FGF1: variants seen among roughly 807,000 people sequenced by gnomAD.
The protein encoded by FGF1 is fibroblast growth factor 1.
FGF1 carries 9 observed loss-of-function variants against 13.4 expected under a neutral mutation model. That is an observed-to-expected ratio of 0.67 (90% CI 0.40 to 1.17). FGF1 has a LOEUF of 1.17. FGF1 is among the 50% of genes most tolerant of loss of function. FGF1 has a pLI of 0.01. For synonymous variants in FGF1, 93 were observed against 79.0 expected, an observed-to-expected ratio of 1.18 and a Z score of -0.94; for missense variants, 156 against 192.7, an observed-to-expected ratio of 0.81 and a Z score of 1.13.
intron 1 of FGF1, among the ~76,000 whole-genome samples, chr5:142,647,524 GTC>G (rs935547758): frequency 6.6e-6 from 1 of 152,158 alleles, no homozygotes; most frequent in Admixed American, 6.5e-5. Context: ...TCTTTTGTCA[GTC>G]TAATTTAAAG....
chr5:142,654,424 A>G (rs554563965), intron 1 of FGF1, among the ~76,000 whole-genome samples: 169 of 152,366 alleles, frequency 1.1e-3, no homozygotes, highest in African/African-American at 3.5e-3. Context: ...CTTATAATGA[A>G]CTGCTCGATA....
intron 2 of FGF1, 110 bp downstream of exon 2, chr5:142,613,849 G>T: frequency 2.5e-6 from 3 of 1,176,804 alleles, no homozygotes; most frequent in Non-Finnish European, 3.6e-6. Flanking sequence ...TGTCATGCCT[G>T]AATAGAACCT....
intron 2 of FGF1, chr5:142,601,078 C>A: frequency 1.7e-6 from 1 of 587,146 alleles, no homozygotes; most frequent in East Asian, 4.0e-5. Context: ...CAAAATGACC[C>A]TGAGTGCACC....
chr5:142,615,386 G>C (rs940763943), intron 1 of FGF1, among the ~76,000 whole-genome samples: 16 of 152,216 alleles, frequency 1.1e-4, no homozygotes, highest in African/African-American at 3.6e-4. Context: ...ACCACACCAG[G>C]CTAATTTTTA....
At position 142,669,683 on chromosome 5, in the gene FGF1, C is replaced by T. The variant is rs139533256; in HGVS notation, c.-35+16274G>A. 1.2e-3 allele frequency among the ~76,000 whole-genome samples: 183 copies of T among 152,320 alleles called. 1 individual carries two copies. The highest frequency in any genetic ancestry group is 6.2e-3 in the East Asian group (32 of 5,172). Reference sequence around the variant, plus strand: ...TGGGGCGTGTCGCGGCTGAGGTGAACAGAGTCATCCATCTGCTGACTGGCA... The same window carrying T: ...TGGGGCGTGTCGCGGCTGAGGTGAATAGAGTCATCCATCTGCTGACTGGCA... On this transcript the variant is annotated intron_variant, in intron 1 of 3. Coordinates refer to ENST00000337706, the MANE Select transcript of FGF1 (RefSeq NM_000800.5).
chr5:142,665,228 C>A (rs1399518525), intron 1 of FGF1, among the ~76,000 whole-genome samples: 1 of 151,976 alleles, frequency 6.6e-6, no homozygotes, highest in East Asian at 1.9e-4. Context: ...TCCTGAGATA[C>A]CTTGGGAACC....
At chr5:142,654,807 A>G (rs1767865485) in intron 1 of FGF1, among the ~76,000 whole-genome samples, 1 of 152,212 alleles carries the variant, frequency 6.6e-6, no homozygotes. Context: ...AGTGGGCCCC[A>G]GGCATTCACA....
intron 1 of FGF1, among the ~76,000 whole-genome samples, chr5:142,657,724 G>A (rs1768430254): frequency 6.6e-6 from 1 of 152,202 alleles, no homozygotes; most frequent in South Asian, 2.1e-4. Flanking sequence ...ATTCTCTGCT[G>A]GACTCTCAGC....
At chr5:142,684,766 G>A (rs1310014997) in intron 1 of FGF1, among the ~76,000 whole-genome samples, 1 of 152,220 alleles carries the variant, frequency 6.6e-6, no homozygotes, top group Non-Finnish European at 1.5e-5. Flanking sequence ...CAGCCCTGAT[G>A]CCACTGCTGC....
chr5:142,619,589 G>A (rs549748923), intron 1 of FGF1, among the ~76,000 whole-genome samples: 6 of 152,204 alleles, frequency 3.9e-5, no homozygotes, highest in East Asian at 3.8e-4. Flanking sequence ...ACTGGTAGGC[G>A]TAAGGGGGAT....
intron 2 of FGF1, among the ~76,000 whole-genome samples, chr5:142,691,094 C>T (rs959187867): frequency 6.6e-6 from 1 of 152,146 alleles, no homozygotes; most frequent in Non-Finnish European, 1.5e-5. Flanking sequence ...CCTCATACTA[C>T]TTACTACTTT....
intron 2 of FGF1, among the ~76,000 whole-genome samples, chr5:142,692,101 C>T (rs1752318225): frequency 6.6e-6 from 1 of 152,158 alleles, no homozygotes; most frequent in Non-Finnish European, 1.5e-5. Context: ...GAGGCTGAAG[C>T]AGGCAGATTG....
At chr5:142,678,995 A>G (rs929677749) in intron 1 of FGF1, among the ~76,000 whole-genome samples, 3 of 152,128 alleles carry the variant, frequency 2.0e-5, no homozygotes, top group African/African-American at 2.4e-5. Context: ...GTGAGCTCAG[A>G]AAGCCTGACG....
intron 1 of FGF1, among the ~76,000 whole-genome samples, chr5:142,618,717 A>G (rs563714598): frequency 6.6e-6 from 1 of 152,104 alleles, no homozygotes; most frequent in Non-Finnish European, 1.5e-5. Flanking sequence ...GTAAGAAAAA[A>G]TCCTGGTCTG....
intron 1 of FGF1, among the ~76,000 whole-genome samples, chr5:142,640,652 G>A (rs1435058837): frequency 6.6e-6 from 1 of 152,060 alleles, no homozygotes; most frequent in East Asian, 1.9e-4. Context: ...CAATTGAGGG[G>A]TAGGGCACAA....
intron 1 of FGF1, among the ~76,000 whole-genome samples, chr5:142,656,813 A>C (rs944104229): frequency 1.3e-5 from 2 of 152,230 alleles, no homozygotes; most frequent in Non-Finnish European, 2.9e-5. Flanking sequence ...ATGTGTAGAC[A>C]CATAGATAGA....
chr5:142,654,282 A>G (rs1253740902), intron 1 of FGF1, among the ~76,000 whole-genome samples: 2 of 152,222 alleles, frequency 1.3e-5, no homozygotes, highest in Non-Finnish European at 2.9e-5. Flanking sequence ...AGTGAACAGC[A>G]TAATTTGGGA....
chr5:142,634,876 T>C (rs1763984261), intron 1 of FGF1, among the ~76,000 whole-genome samples: 2 of 149,200 alleles, frequency 1.3e-5, no homozygotes, highest in African/African-American at 4.9e-5. Flanking sequence ...TTTTTTTTCT[T>C]TTTTTTTTTT....
At chr5:142,631,701 A>G (rs972980576) in intron 1 of FGF1, among the ~76,000 whole-genome samples, 1 of 152,116 alleles carries the variant, frequency 6.6e-6, no homozygotes, top group South Asian at 2.1e-4. Flanking sequence ...TCAGACTTCA[A>G]TACAGGTGCA....
Sources: allele counts gnomAD v4.1 joint callset (sites outside exome capture counted in the v4.1 genomes callset), GRCh38; gene constraint gnomAD v4.1.1; transcripts MANE v1.5; gene names NCBI Gene and HGNC (gene_info 2026-07-23, HGNC 2026-07-21).